Variants in KLF8 observed in about 807,000 individuals in gnomAD.
The protein encoded by KLF8 is Krueppel-like factor 8.
KLF8 carries 10 observed loss-of-function variants against 18.2 expected under a neutral mutation model. The observed-to-expected ratio is 0.55, with a 90% CI of 0.34 to 0.93. The LOEUF (loss-of-function observed/expected upper bound fraction) is 0.93. KLF8 is among the 40% of genes least tolerant of loss of function. The probability of loss-of-function intolerance (pLI) is 0.02; values close to 1 mark genes in which losing one functional copy is unlikely to be tolerated. For missense variants in KLF8, 264 were observed against 277.9 expected (o/e 0.95, Z 0.36); for synonymous variants, 109 against 97.3 (o/e 1.12, Z -0.71).
intron 1 of KLF8, among the ~76,000 whole-genome samples, chrX:56,236,946 TATAG>T (rs1385232534): frequency 8.6e-5 from 8 of 92,891 alleles, no homozygotes; most frequent in Admixed American, 1.1e-4. Flanking sequence ...TTTGGTTTTC[TATAG>T]ATAGATAGAT....
the KLF8 span, among the ~76,000 whole-genome samples, chrX:56,148,992 C>G: frequency 1.8e-4 from 20 of 111,894 alleles, no homozygotes; most frequent in African/African-American, 5.5e-4. Flanking sequence ...GCTTCATAGC[C>G]CATATAAAGG....
chrX:55,939,327 C>T, the KLF8 span, among the ~76,000 whole-genome samples: 185 of 111,200 alleles, frequency 1.7e-3, 2 homozygotes, highest in African/African-American at 5.0e-3. Context: ...TTGAAACCAA[C>T]GAGAGCAAAG....
At chrX:56,172,620 C>T in the KLF8 span, among the ~76,000 whole-genome samples, 1 of 111,768 alleles carries the variant, frequency 8.9e-6, no homozygotes, top group African/African-American at 3.3e-5. Context: ...GGTATATACC[C>T]AGTAATGGGA....
chrX:56,183,441 G>A, the KLF8 span, among the ~76,000 whole-genome samples: 42 of 111,963 alleles, frequency 3.8e-4, no homozygotes, highest in Non-Finnish European at 7.0e-4. Context: ...GCCCTGCCCT[G>A]CTTCAGCTCA....
the KLF8 span, among the ~76,000 whole-genome samples, chrX:55,953,618 G>A: frequency 9.0e-6 from 1 of 111,111 alleles, no homozygotes; most frequent in Non-Finnish European, 1.9e-5. Flanking sequence ...ACTTGCATAA[G>A]GATAGACATA....
the KLF8 span, among the ~76,000 whole-genome samples, chrX:56,212,907 GT>G: frequency 1.8e-5 from 2 of 111,740 alleles, no homozygotes; most frequent in Non-Finnish European, 3.8e-5. Context: ...TAGGTCTTTT[GT>G]TCTTAAAGAC....
At chrX:56,219,723 G>T in the KLF8 span, among the ~76,000 whole-genome samples, 1 of 111,083 alleles carries the variant, frequency 9.0e-6, no homozygotes, top group African/African-American at 3.3e-5. Context: ...ATGGTGGCAC[G>T]TGCCTGTAAT....
In KLF8 at chrX:56,284,521, G is replaced by T; in HGVS notation, c.*27G>T. ...CCGCACAGGTCACACTAGAGAAGCT[G>T]CGCTGGTATCTTTCCTGGTCGTGTG... On this transcript the variant is annotated 3_prime_UTR_variant, in exon 6 of 6. Transcript: ENST00000468660. 1.0e-5 allele frequency: 11 copies of T among 1,088,160 alleles called. No individual in the cohort carries two copies. Among genetic ancestry groups the T allele is most frequent in the Non-Finnish European group, 1.1e-5 (9 of 827,268 alleles). 89.7% of individuals were successfully genotyped at this position (1,088,160 alleles called of 1,213,427 possible). A position where few individuals can be genotyped will look rare whatever the true frequency, so the allele number is the denominator to read the frequency against.
At chrX:56,034,757 T>TC in the KLF8 span, among the ~76,000 whole-genome samples, 4 of 65,184 alleles carry the variant, frequency 6.1e-5, no homozygotes, top group African/African-American at 3.6e-4. Context: ...TCTTTTTTTT[T>TC]TTTTTTTTTT....
chrX:56,050,781 G>C, the KLF8 span, among the ~76,000 whole-genome samples: 3 of 111,233 alleles, frequency 2.7e-5, no homozygotes, highest in African/African-American at 9.8e-5. Context: ...ATGTCTATTA[G>C]GTCCGCTTGG....
chrX:56,180,216 A>T, the KLF8 span, among the ~76,000 whole-genome samples: 1 of 110,069 alleles, frequency 9.1e-6, no homozygotes, highest in Non-Finnish European at 1.9e-5. Flanking sequence ...GAAGGTGTAT[A>T]TGTCCAGGAA....
At chrX:56,092,355 G>A in the KLF8 span, among the ~76,000 whole-genome samples, 1 of 111,161 alleles carries the variant, frequency 9.0e-6, no homozygotes, top group Admixed American at 9.5e-5. Flanking sequence ...TGCTTTTGAG[G>A]TCTTACTCAT....
At chrX:56,121,351 G>A in the KLF8 span, among the ~76,000 whole-genome samples, 1 of 111,352 alleles carries the variant, frequency 9.0e-6, no homozygotes, top group Non-Finnish European at 1.9e-5. Flanking sequence ...AGAAAGAATA[G>A]CCTGCAGTTA....
At chrX:56,233,373 T>C in intron 1 of KLF8, 32 bp downstream of exon 1, 1 of 1,030,164 alleles carries the variant, frequency 9.7e-7, no homozygotes, top group Non-Finnish European at 1.4e-6. Flanking sequence ...ACCCACCCAC[T>C]CCCACCTCTT....
At chrX:56,078,529 C>A in the KLF8 span, among the ~76,000 whole-genome samples, 4 of 111,814 alleles carry the variant, frequency 3.6e-5, no homozygotes, top group African/African-American at 1.3e-4. Context: ...TGATGTGCTG[C>A]TGGATTCGTT....
At chrX:55,967,684 G>A in the KLF8 span, among the ~76,000 whole-genome samples, 1 of 111,325 alleles carries the variant, frequency 9.0e-6, no homozygotes, top group Non-Finnish European at 1.9e-5. Flanking sequence ...CAAAACTCAC[G>A]GGTAATAGTA....
At chrX:56,051,139 T>C in the KLF8 span, among the ~76,000 whole-genome samples, 2 of 111,289 alleles carry the variant, frequency 1.8e-5, no homozygotes, top group African/African-American at 6.5e-5. Flanking sequence ...TCCTCCATCC[T>C]TTTATTTTGA....
the KLF8 span, among the ~76,000 whole-genome samples, chrX:56,001,015 A>G: frequency 1.8e-5 from 2 of 111,791 alleles, no homozygotes; most frequent in African/African-American, 6.5e-5. Flanking sequence ...AGGCAAGAAC[A>G]AAGCACCACA....
In KLF8 at chrX:56,261,492, T is replaced by C. The variant is rs1339549675; in HGVS notation, c.82-3688T>C. Among the ~76,000 whole-genome samples the C allele has an allele frequency of 2.7e-5, 3 of 111,558 alleles. No homozygotes were observed. In the East Asian group the frequency reaches 8.4e-4, roughly 31 times the overall value. On this transcript the variant is annotated intron_variant, in intron 2 of 5. Transcript: ENST00000468660. ...GAAAAATCTGATGACAGAACAATCC[T>C]CAGATGAGTTTCAAAGCTGAAGTGA... is the stretch of plus-strand genomic sequence containing the variant.
Sources: gnomAD v4.1 joint callset for allele counts (sites outside exome capture counted in the v4.1 genomes callset) on GRCh38, gnomAD v4.1.1 for gene constraint, MANE v1.5 for transcripts, NCBI Gene and HGNC (gene_info 2026-07-23, HGNC 2026-07-21) for gene names.